COL19A1: variants seen among roughly 807,000 people sequenced by gnomAD.
The protein encoded by COL19A1 is collagen type XIX alpha 1 chain.
In COL19A1, 159 loss-of-function variants were observed where a neutral mutation model predicts 190.2. The observed-to-expected ratio is 0.84, with a 90% CI of 0.73 to 0.95. The LOEUF is 0.95. Among genes scored for constraint, COL19A1 ranks in the 40% least tolerant of loss-of-function variants. The pLI, the probability that COL19A1 is intolerant of heterozygous loss-of-function variation, is 0.00. For missense variants in COL19A1, 1,418 were observed against 1,431.9 expected, an observed-to-expected ratio of 0.99 and a Z score of 0.16; for synonymous variants, 509 against 458.9, an observed-to-expected ratio of 1.11 and a Z score of -1.39.
intron 11 of COL19A1, chr6:69,973,920 C>G (rs1344779216): frequency 6.6e-6 from 1 of 152,150 alleles, no homozygotes; most frequent in Non-Finnish European, 1.5e-5. Flanking sequence ...GTGTGTCCTA[C>G]CAGACCGAAA....
At chr6:69,894,677 T>A (rs1769593968) in intron 2 of COL19A1, among the ~76,000 whole-genome samples, 2 of 152,108 alleles carry the variant, frequency 1.3e-5, no homozygotes, top group African/African-American at 4.8e-5. Context: ...CATGCAGATA[T>A]CAAACCAGAA....
chr6:70,016,681 C>G (rs1397961666), intron 11 of COL19A1, among the ~76,000 whole-genome samples: 1 of 151,764 alleles, frequency 6.6e-6, no homozygotes, highest in Non-Finnish European at 1.5e-5. Context: ...ACTTTTACAA[C>G]TCACAAATAA....
intron 9 of COL19A1, among the ~76,000 whole-genome samples, chr6:69,947,779 A>T (rs1444757031): frequency 6.6e-6 from 1 of 151,876 alleles, no homozygotes; most frequent in Non-Finnish European, 1.5e-5. Flanking sequence ...CTGGTATCTG[A>T]TGGCTTCATT....
At chr6:70,088,764 C>T (rs983403608) in intron 15 of COL19A1, among the ~76,000 whole-genome samples, 1 of 152,098 alleles carries the variant, frequency 6.6e-6, no homozygotes, top group African/African-American at 2.4e-5. Flanking sequence ...TATAATTTTT[C>T]TCTTTACTCT....
At chr6:69,919,597 A>G (rs1042858936) in intron 4 of COL19A1, among the ~76,000 whole-genome samples, 4 of 152,182 alleles carry the variant, frequency 2.6e-5, no homozygotes, top group African/African-American at 9.7e-5. Context: ...CAGATAGGAA[A>G]AAATCTAGAG....
chr6:70,162,067 G>A, intron 35 of COL19A1, 114 bp downstream of exon 35: 1 of 910,596 alleles, frequency 1.1e-6, no homozygotes, highest in Non-Finnish European at 1.6e-6. Context: ...AGATTGTCCA[G>A]ATATTGCCTG....
chr6:70,020,121 G>T (rs936456964), intron 11 of COL19A1, among the ~76,000 whole-genome samples: 5 of 151,964 alleles, frequency 3.3e-5, no homozygotes, highest in African/African-American at 9.7e-5. Flanking sequence ...TTGCCATCTA[G>T]AATTTCTTGT....
chr6:70,061,715 T>A (rs1015630264), intron 14 of COL19A1, among the ~76,000 whole-genome samples: 4 of 152,104 alleles, frequency 2.6e-5, no homozygotes, highest in Non-Finnish European at 5.9e-5. Context: ...AAACACTGAA[T>A]GAGCTGTCAG....
chr6:70,104,013 C>T (rs1327526053), intron 16 of COL19A1, among the ~76,000 whole-genome samples: 1 of 152,158 alleles, frequency 6.6e-6, no homozygotes, highest in East Asian at 1.9e-4. Context: ...CAACCCAGTA[C>T]CCTAGGAATC....
intron 11 of COL19A1, among the ~76,000 whole-genome samples, chr6:70,022,953 C>G (rs913008532): frequency 6.6e-6 from 1 of 151,762 alleles, no homozygotes; most frequent in African/African-American, 2.4e-5. Flanking sequence ...ATTATTTTAT[C>G]TCTGATTATT....
At chr6:70,005,530 T>C (rs920344605) in intron 11 of COL19A1, among the ~76,000 whole-genome samples, 2 of 152,150 alleles carry the variant, frequency 1.3e-5, no homozygotes, top group African/African-American at 4.8e-5. Context: ...GGGTGTCTGC[T>C]CCTTCTTCTG....
intron 15 of COL19A1, among the ~76,000 whole-genome samples, chr6:70,069,398 T>C (rs1053164129): frequency 1.3e-5 from 2 of 152,168 alleles, no homozygotes; most frequent in Non-Finnish European, 2.9e-5. Flanking sequence ...AGTGGTGTAT[T>C]GTACTAAGGT....
chr6:70,133,127 A>G (rs1037702226), intron 18 of COL19A1, among the ~76,000 whole-genome samples: 1 of 152,196 alleles, frequency 6.6e-6, no homozygotes, highest in Non-Finnish European at 1.5e-5. Flanking sequence ...ATCTCCCACC[A>G]TAATTTTGAC....
At chr6:70,010,224 A>C (rs796774119) in intron 11 of COL19A1, among the ~76,000 whole-genome samples, 1 of 152,194 alleles carries the variant, frequency 6.6e-6, no homozygotes, top group South Asian at 2.1e-4. Context: ...AAACAATCCA[A>C]TTTTTAAAAT....
At chr6:69,887,456 G>A (rs902585432) in intron 2 of COL19A1, among the ~76,000 whole-genome samples, 5 of 152,140 alleles carry the variant, frequency 3.3e-5, no homozygotes, top group African/African-American at 9.7e-5. Context: ...AGTGCACAGT[G>A]CAGTGAATTT....
rs57814985 is a variant in COL19A1 at position 70,115,825 on chromosome 6, G to GTTTTTTT, written c.1279-6044_1279-6038dup. 9.7e-4 allele frequency among the ~76,000 whole-genome samples: 114 copies of GTTTTTTT among 117,128 alleles called. 1 individual carries two copies. Among genetic ancestry groups the GTTTTTTT allele is most frequent in the Admixed American group, 3.9e-3 (42 of 10,800 alleles). The allele number at this position is 117,128 out of a possible 152,430, so 76.8% of individuals were successfully genotyped here. A position where few individuals can be genotyped will look rare whatever the true frequency, so the allele number is the denominator to read the frequency against. ...TTTTTGTTTTGTTTTTTGGTGTTTT[G>GTTTTTTT]TTTTTTTTTTTTTTTTTGGTGGGGA... On this transcript the variant is annotated intron_variant, in intron 16 of 50. Coordinates refer to ENST00000620364, the MANE Select transcript of COL19A1 (RefSeq NM_001858.6).
chr6:70,163,865 G>T (rs763696851), intron 36 of COL19A1, among the ~76,000 whole-genome samples: 6 of 152,148 alleles, frequency 3.9e-5, no homozygotes, highest in Non-Finnish European at 8.8e-5. Flanking sequence ...TGGCAGAATC[G>T]GTGTCTGACA....
chr6:69,921,458 T>C (rs1582406005), intron 4 of COL19A1, among the ~76,000 whole-genome samples: 1 of 28,122 alleles, frequency 3.6e-5, no homozygotes, highest in African/African-American at 1.0e-4. Flanking sequence ...ATATCATATA[T>C]ATCATATATA....
chr6:70,144,102 G>A lies in COL19A1; in HGVS notation c.1627-108G>A, dbSNP rs932293712. 19 of 914,342 alleles carry A rather than the reference G, an allele frequency of 2.1e-5. No individual in the cohort carries two copies. The African/African-American group carries it at 3.0e-4, about 15-fold the overall frequency. The allele number at this position is 914,342 out of a possible 1,614,324, so 56.6% of individuals were successfully genotyped here. ...ATCAATCCAACTCCTTCTATTAATA[G>A]GTTATATGTTAAAATTCTGTTCTCT... is the stretch of plus-strand genomic sequence containing the variant. On this transcript the variant is annotated intron_variant, in intron 23 of 50. Transcript: ENST00000620364.
Sources: allele counts gnomAD v4.1 joint callset (sites outside exome capture counted in the v4.1 genomes callset), GRCh38; gene constraint gnomAD v4.1.1; transcripts MANE v1.5; gene names NCBI Gene and HGNC (gene_info 2026-07-23, HGNC 2026-07-21).